MCM10: variants seen among roughly 807,000 people sequenced by gnomAD.
The protein encoded by MCM10 is protein MCM10 homolog.
A neutral mutation model predicts 109.9 loss-of-function variants in MCM10; 91 were observed. The observed-to-expected ratio is 0.83, with a 90% confidence interval of 0.70 to 0.99. The LOEUF is 0.99. MCM10 is among the 50% of genes least tolerant of loss of function. The pLI, the probability that MCM10 is intolerant of heterozygous loss-of-function variation, is 0.00. For synonymous variants in MCM10, 380 were observed against 387.2 expected (o/e 0.98, Z 0.22); for missense variants, 1,077 against 1,061.2 (o/e 1.01, Z -0.21).
Position 13,175,564 on chromosome 10 carries a change from C to A in MCM10, c.647C>A (p.Thr216Lys). The A allele has an allele frequency of 6.2e-7, 1 of 1,614,080 alleles. No individual in the cohort carries two copies. Among genetic ancestry groups the A allele is most frequent in the Non-Finnish European group, 8.5e-7 (1 of 1,179,956 alleles). The change falls in exon 6 of 20, where the codon ACG becomes AAG. Residue 216 changes from threonine to lysine, a missense_variant. Physicochemically the swap from Thr to Lys is moderately conservative, Grantham distance 78. Transcript: ENST00000378714. ...AGTGCACCCTCCCAACCCCTACAGA[C>A]GATTTCTCGGAACAAACCTAGTGGG... is the stretch of plus-strand genomic sequence containing the variant. ...MTSAPSQPLQ[T>K]ISRNKPSGIT... is the part of the protein sequence containing the mutation.
At chr10:13,168,733 T>C (rs192460048) in intron 2 of MCM10, among the ~76,000 whole-genome samples, 11 of 152,164 alleles carry the variant, frequency 7.2e-5, no homozygotes, top group African/African-American at 2.4e-4. Context: ...TTTTAAATCG[T>C]CCATCAGATT....
At chr10:13,168,097 C>T (rs1834025280) in intron 2 of MCM10, among the ~76,000 whole-genome samples, 1 of 152,202 alleles carries the variant, frequency 6.6e-6, no homozygotes, top group Admixed American at 6.5e-5. Context: ...CAGCATTTTC[C>T]ACCTGTGGCC....
At chr10:13,186,988 T>C (rs1239712728) in intron 9 of MCM10, among the ~76,000 whole-genome samples, 2 of 152,070 alleles carry the variant, frequency 1.3e-5, no homozygotes, top group Non-Finnish European at 2.9e-5. Flanking sequence ...TGAGATTCTG[T>C]CTCCAAAAAA....
chr10:13,197,987 G>A (rs755687003), intron 15 of MCM10, among the ~76,000 whole-genome samples: 8 of 149,832 alleles, frequency 5.3e-5, no homozygotes, highest in South Asian at 2.1e-4. Context: ...GTCTTGGCTC[G>A]CTACAGCCTC....
chr10:13,201,667 G>A (rs1051341867), intron 17 of MCM10, 133 bp downstream of exon 17: 2 of 674,964 alleles, frequency 3.0e-6, no homozygotes, highest in South Asian at 1.8e-5. Flanking sequence ...GGAAAGCAAA[G>A]GGCGCAGGTG....
intron 7 of MCM10, among the ~76,000 whole-genome samples, chr10:13,181,408 A>G (rs7911975): frequency 1 from 152,264 of 152,284 alleles, 76,122 homozygotes; most frequent in Non-Finnish European, 1. Context: ...ATTATCCTCC[A>G]CAAACTAATG....
chr10:13,195,348 G>A (rs2131582331), intron 14 of MCM10, 79 bp downstream of exon 14: 1 of 1,024,718 alleles, frequency 9.8e-7, no homozygotes, highest in East Asian at 2.6e-5. Flanking sequence ...ACACCTAATA[G>A]CTCTTTATTG....
chr10:13,167,582 G>GA (rs1688389494), intron 2 of MCM10, among the ~76,000 whole-genome samples: 2 of 130,292 alleles, frequency 1.5e-5, no homozygotes. Flanking sequence ...TGGAGGGGAG[G>GA]ACCGGGGGGG....
chr10:13,196,613 A>G (rs372648867), intron 14 of MCM10, among the ~76,000 whole-genome samples: 8 of 152,128 alleles, frequency 5.3e-5, no homozygotes, highest in African/African-American at 1.7e-4. Flanking sequence ...CCTGGGTTCA[A>G]TCAATTCTCT....
rs1834068456 is a variant in MCM10, at chr10:13,171,211, G to T, written c.297G>T (p.Arg99Ser). ...EVPASQSTENRVLPAPAPRRE... is the reference protein window; with the variant it reads ...EVPASQSTENSVLPAPAPRRE... ...CCGCATCACAGTCAACTGAAAATAG[G>T]GTCCTCCCTGCTCCTGCCCCCAGGC... Residue 99 changes from arginine to serine, a missense_variant, in exon 3 of 20, where the codon AGG becomes AGT. Coordinates refer to ENST00000378714, the MANE Select transcript of MCM10 (RefSeq NM_018518.5). The T allele has an allele frequency of 6.2e-7, 1 of 1,614,072 alleles. No individual in the cohort carries two copies. The highest frequency in any genetic ancestry group is 2.2e-5 in the East Asian group (1 of 44,876).
At chr10:13,183,470 T>C (rs192025059) in intron 8 of MCM10, among the ~76,000 whole-genome samples, 25 of 152,268 alleles carry the variant, frequency 1.6e-4, no homozygotes, top group Admixed American at 4.6e-4. Context: ...AAAAAGTTTG[T>C]ATTAGTCTAC....
In MCM10 at chr10:13,188,043, G is replaced by T. The variant is rs370967429; in HGVS notation, c.1216-838G>T. Among the ~76,000 whole-genome samples the T allele has an allele frequency of 3.3e-5, 5 of 152,244 alleles. No individual in the cohort carries two copies. The East Asian group carries it at 5.8e-4, about 18-fold the overall frequency. ...ACCTGTAATCCCAGCTACTTGGGAG[G>T]CTGAGGCAGAAGAATCACTTGAACC... On this transcript the variant is annotated intron_variant, in intron 9 of 19. Transcript: ENST00000378714.
chr10:13,196,512 ATT>A (rs1483600738), intron 14 of MCM10, among the ~76,000 whole-genome samples: 4 of 151,930 alleles, frequency 2.6e-5, no homozygotes, highest in Admixed American at 2.0e-4. Context: ...TTATTTATTT[ATT>A]TATATATATA....
chr10:13,170,924 G>A lies in MCM10; in HGVS notation c.10G>A (p.Glu4Lys). 7 of 1,611,776 alleles carry A rather than the reference G, an allele frequency of 4.3e-6. No individual in the cohort carries two copies. Among genetic ancestry groups the A allele is most frequent in the Non-Finnish European group, 5.9e-6 (7 of 1,178,132 alleles). Residue 4 changes from glutamate (E) to lysine (K), a missense_variant and splice_region_variant, in exon 3 of 20, where the codon GAG becomes AAG. Physicochemically the swap from Glu to Lys is moderately conservative, Grantham distance 56 (BLOSUM62 1). Transcript: ENST00000378714. ...TCCTTTCTCTTCTTTTCCCCTAGAG[G>A]AGGAAGACAATCTGTCTCTGCTGAC... The part of the protein sequence containing the change: MDE[E>K]EDNLSLLTAL...
chr10:13,189,294 A>G (rs1217650721), intron 10 of MCM10, among the ~76,000 whole-genome samples: 1 of 151,406 alleles, frequency 6.6e-6, no homozygotes, highest in Non-Finnish European at 1.5e-5. Context: ...GTTGTGTTGG[A>G]CTTTAAGAGA....
chr10:13,210,040 A>T lies in MCM10; in HGVS notation c.*730A>T, dbSNP rs1834638010. 1 of 150,620 alleles carries T rather than the reference A, an allele frequency of 6.6e-6. No homozygotes were observed. Among genetic ancestry groups the T allele is most frequent in the South Asian group, 2.1e-4 (1 of 4,746 alleles). The allele number at this position is 150,620 out of a possible 1,614,324, so 9.3% of individuals were successfully genotyped here. ...CTGTGATAGAAATATGTAAAATCTC[A>T]TATTATTTTTTTTTTAATTTTTTTA... On this transcript the variant is annotated 3_prime_UTR_variant, in exon 20 of 20. Coordinates refer to ENST00000378714, the MANE Select transcript of MCM10 (RefSeq NM_018518.5).
rs1170633683 is a variant in MCM10 at position 13,209,273 on chromosome 10, GAGA to G, written c.2593_2595del (p.Glu865del). ...GGAGGAGAAACTCTGTTACCAAGAGGAGAAGAACATGCTAAATTTCTGAACAGC... is the reference window on the plus strand; with the variant it reads ...GGAGGAGAAACTCTGTTACCAAGAGGAGAACATGCTAAATTTCTGAACAGC... On this transcript the variant is annotated inframe_deletion, in exon 20 of 20. Transcript: ENST00000378714. The G allele has an allele frequency of 6.2e-7, 1 of 1,614,060 alleles. No individual in the cohort carries two copies. The highest frequency in any genetic ancestry group is 1.3e-5 in the African/African-American group (1 of 75,054).
intron 8 of MCM10, among the ~76,000 whole-genome samples, chr10:13,184,798 A>C (rs1834252952): frequency 6.6e-6 from 1 of 152,218 alleles, no homozygotes; most frequent in Admixed American, 6.5e-5. Context: ...TGGTCACAAG[A>C]TGCCTTTGAA....
Position 13,172,729 on chromosome 10 carries a change from A to C in MCM10, c.556A>C (p.Lys186Gln), listed in dbSNP as rs1294704841. 7 of 1,614,172 alleles carry C rather than the reference A, an allele frequency of 4.3e-6. No homozygotes were observed. The highest frequency in any genetic ancestry group is 5.9e-6 in the Non-Finnish European group (7 of 1,180,028). Residue 186 changes from lysine (K) to glutamine (Q), a missense_variant, in exon 5 of 20, where the codon AAG becomes CAG. By Grantham distance (53) the Lys-to-Gln change is moderately conservative. Coordinates refer to ENST00000378714, the MANE Select transcript of MCM10 (RefSeq NM_018518.5). This position sits in a 1 kb window ranked among gnomAD's most constrained non-coding sequence, Gnocchi z 5.2. The stretch of plus-strand genomic sequence containing the variant: ...TGATGTCCCTGCGCTACCAAGAACC[A>C]AGAGGGTGGCTCGAACACCAAAGGC... ...ELDVPALPRT[K>Q]RVARTPKASP...
Sources: allele counts gnomAD v4.1 joint callset (sites outside exome capture counted in the v4.1 genomes callset), GRCh38; gene constraint gnomAD v4.1.1; non-coding constraint Gnocchi (gnomAD v3.1); transcripts MANE v1.5; gene names NCBI Gene and HGNC (gene_info 2026-07-23, HGNC 2026-07-21).